SSBP2: variants seen among roughly 807,000 people sequenced by gnomAD.
SSBP2 encodes single-stranded DNA-binding protein 2.
In SSBP2, 17 loss-of-function variants were observed where a neutral mutation model predicts 61.8. That is an observed-to-expected ratio of 0.28 (90% CI 0.19 to 0.41). The LOEUF (loss-of-function observed/expected upper bound fraction) is 0.41. SSBP2 is among the 10% of genes least tolerant of loss of function. SSBP2 has a pLI of 1.00. For synonymous variants in SSBP2, 139 were observed against 141.3 expected (o/e 0.98, Z 0.12); for missense variants, 310 against 458.7 (o/e 0.68, Z 2.96).
intron 4 of SSBP2, among the ~76,000 whole-genome samples, chr5:81,554,667 T>C (rs1175377748): frequency 1.3e-5 from 2 of 151,848 alleles, no homozygotes; most frequent in Non-Finnish European, 2.9e-5. Context: ...AAAGGACAAA[T>C]AGAAAAAGAG....
At chr5:81,519,456 C>G (rs893208703) in intron 4 of SSBP2, among the ~76,000 whole-genome samples, 5 of 152,116 alleles carry the variant, frequency 3.3e-5, no homozygotes, top group African/African-American at 1.2e-4. Flanking sequence ...TTCTACCAGC[C>G]AGGCACATGG....
chr5:81,437,013 C>T (rs1008954299), intron 15 of SSBP2, among the ~76,000 whole-genome samples: 5 of 152,082 alleles, frequency 3.3e-5, no homozygotes, highest in Non-Finnish European at 5.9e-5. Flanking sequence ...GAATTGGATA[C>T]GTAAATGCAA....
intron 4 of SSBP2, among the ~76,000 whole-genome samples, chr5:81,590,803 G>A (rs555516028): frequency 2.6e-5 from 4 of 152,302 alleles, no homozygotes; most frequent in East Asian, 3.9e-4. Context: ...AGCTCTAAAG[G>A]TAATATAGGT....
chr5:81,663,978 T>C (rs1270029519), intron 1 of SSBP2, among the ~76,000 whole-genome samples: 1 of 152,212 alleles, frequency 6.6e-6, no homozygotes, highest in Admixed American at 6.5e-5. Context: ...ATTCACTATA[T>C]GTGCAAAGGT....
At chr5:81,442,603 G>T in intron 13 of SSBP2, 50 bp downstream of exon 13, 1 of 1,023,284 alleles carries the variant, frequency 9.8e-7, no homozygotes, top group Non-Finnish European at 1.5e-6. Context: ...TGCACTCAGA[G>T]TTTGAAAGTC....
chr5:81,656,801 T>G (rs1395295260), intron 1 of SSBP2, among the ~76,000 whole-genome samples: 1 of 152,066 alleles, frequency 6.6e-6, no homozygotes, highest in Non-Finnish European at 1.5e-5. Context: ...GCAAAAACTT[T>G]AAAAACATTA....
At chr5:81,479,880 T>C (rs1765860112) in intron 6 of SSBP2, among the ~76,000 whole-genome samples, 1 of 152,208 alleles carries the variant, frequency 6.6e-6, no homozygotes, top group Admixed American at 6.5e-5. Context: ...TGATGCATGA[T>C]TTAAGTACCA....
intron 15 of SSBP2, among the ~76,000 whole-genome samples, chr5:81,433,416 C>T (rs1457981540): frequency 7.2e-5 from 11 of 151,852 alleles, no homozygotes; most frequent in South Asian, 2.1e-4. Context: ...GCAGCATGCT[C>T]GTTAAGAGTC....
intron 1 of SSBP2, among the ~76,000 whole-genome samples, chr5:81,743,546 T>C (rs1757168458): frequency 6.6e-6 from 1 of 152,232 alleles, no homozygotes; most frequent in African/African-American, 2.4e-5. Context: ...AGGGACTCAT[T>C]TTATTCTCCC....
At chr5:81,465,732 G>T (rs1764847090) in intron 9 of SSBP2, among the ~76,000 whole-genome samples, 1 of 151,978 alleles carries the variant, frequency 6.6e-6, no homozygotes, top group Non-Finnish European at 1.5e-5. Flanking sequence ...AAGAGCTTCA[G>T]CTTTTGACAT....
At chr5:81,655,945 T>C (rs1231123971) in intron 1 of SSBP2, among the ~76,000 whole-genome samples, 3 of 152,224 alleles carry the variant, frequency 2.0e-5, no homozygotes, top group Non-Finnish European at 4.4e-5. Flanking sequence ...TAATCTTCTA[T>C]TTTTTAAGAG....
intron 4 of SSBP2, among the ~76,000 whole-genome samples, chr5:81,565,981 T>C (rs996569288): frequency 6.6e-6 from 1 of 152,168 alleles, no homozygotes; most frequent in Admixed American, 6.5e-5. Context: ...ATTTCATCAA[T>C]CACTTAGTAG....
chr5:81,699,611 T>G (rs570519319), intron 1 of SSBP2, among the ~76,000 whole-genome samples: 34 of 152,322 alleles, frequency 2.2e-4, no homozygotes, highest in African/African-American at 7.9e-4. Flanking sequence ...TCTTGCTATT[T>G]CTACCACATC....
At chr5:81,555,759 C>T (rs1459619133) in intron 4 of SSBP2, among the ~76,000 whole-genome samples, 2 of 152,186 alleles carry the variant, frequency 1.3e-5, no homozygotes, top group African/African-American at 2.4e-5. Flanking sequence ...GATCAATGTA[C>T]AATCTGTATC....
intron 1 of SSBP2, among the ~76,000 whole-genome samples, chr5:81,677,520 TA>T (rs922925095): frequency 6.6e-6 from 1 of 151,684 alleles, no homozygotes; most frequent in African/African-American, 2.4e-5. Context: ...AGTCCAAGAG[TA>T]AAAAAACTCC....
chr5:81,579,520 G>A (rs1774485072), intron 4 of SSBP2, among the ~76,000 whole-genome samples: 1 of 152,046 alleles, frequency 6.6e-6, no homozygotes. Context: ...CCAATGTACA[G>A]ACCTCATTCA....
intron 6 of SSBP2, among the ~76,000 whole-genome samples, chr5:81,488,555 A>AT (rs1050123876): frequency 1.3e-5 from 2 of 151,682 alleles, no homozygotes; most frequent in Non-Finnish European, 2.9e-5. Flanking sequence ...GTCCTTTGCT[A>AT]TTTTTTTTAT....
At chr5:81,459,900 T>G (rs558074548) in intron 10 of SSBP2, among the ~76,000 whole-genome samples, 1 of 152,302 alleles carries the variant, frequency 6.6e-6, no homozygotes, top group Admixed American at 6.5e-5. Flanking sequence ...GGAGAAAGAC[T>G]TGTTGAAATT....
chr5:81,581,794 A>C (rs181981241), intron 4 of SSBP2, among the ~76,000 whole-genome samples: 1 of 152,292 alleles, frequency 6.6e-6, no homozygotes, highest in East Asian at 1.9e-4. Context: ...GCACAGAAAA[A>C]TTATATTTAA....
Sources: allele counts gnomAD v4.1 joint callset (sites outside exome capture counted in the v4.1 genomes callset), GRCh38; gene constraint gnomAD v4.1.1; transcripts MANE v1.5; gene names NCBI Gene and HGNC (gene_info 2026-07-23, HGNC 2026-07-21).